CACNA1B: variants seen among roughly 807,000 people sequenced by gnomAD.
CACNA1B encodes calcium voltage-gated channel subunit alpha1 B, also known as voltage-dependent N-type calcium channel subunit alpha-1B.
Under a neutral mutation model 247.2 loss-of-function variants are expected in CACNA1B, and 70 were observed. The ratio of observed to expected loss-of-function variants is 0.28; its 90% confidence interval spans 0.23 to 0.35. The LOEUF (loss-of-function observed/expected upper bound fraction) is 0.35, where lower values mean the gene tolerates loss of function less well. CACNA1B is among the 10% of genes least tolerant of loss of function. The pLI, the probability that CACNA1B is intolerant of heterozygous loss-of-function variation, is 1.00. For synonymous variants in CACNA1B, 1,231 were observed against 1,294.4 expected (o/e 0.95, Z 1.05); for missense variants, 2,367 against 3,197.4 (o/e 0.74, Z 6.26).
chr9:137,943,599 G>A lies in CACNA1B; in HGVS notation c.967-8675G>A, dbSNP rs569952003. Among the ~76,000 whole-genome samples the A allele has an allele frequency of 8.5e-5, 13 of 152,068 alleles. No individual in the cohort carries two copies. In the East Asian group the frequency reaches 2.1e-3, roughly 25 times the overall value. ...CTTGGGGGACTGAACAAAGGATGAC[G>A]AATGCGGGAATAAAGATAAAGACAA... is the stretch of plus-strand genomic sequence containing the variant. On this transcript the variant is annotated intron_variant, in intron 6 of 46. Transcript: ENST00000371372.
intron 3 of CACNA1B, among the ~76,000 whole-genome samples, chr9:137,905,700 A>T (rs1286296199): frequency 6.6e-6 from 1 of 152,364 alleles, no homozygotes; most frequent in East Asian, 1.9e-4. Context: ...TGTAATGCTA[A>T]ATACAGCTTC....
chr9:137,885,351 G>T (rs2133228263), intron 3 of CACNA1B, among the ~76,000 whole-genome samples: 1 of 152,336 alleles, frequency 6.6e-6, no homozygotes, highest in East Asian at 1.9e-4. Context: ...GGCTGGGTCT[G>T]CTGTGCGGCG....
intron 12 of CACNA1B, among the ~76,000 whole-genome samples, chr9:137,982,105 A>G (rs1199249915): frequency 6.6e-6 from 1 of 152,238 alleles, no homozygotes; most frequent in South Asian, 2.1e-4. Flanking sequence ...GCTTGGTGGC[A>G]TAAGAAAAAT....
intron 36 of CACNA1B, among the ~76,000 whole-genome samples, chr9:138,093,403 C>CA (rs58608297): frequency 0.018 from 764 of 42,898 alleles, 14 homozygotes; most frequent in East Asian, 0.056. Flanking sequence ...GACTCTGTCT[C>CA]AAAAAAAAAA....
chr9:138,107,205 A>G (rs1263066110), intron 39 of CACNA1B, among the ~76,000 whole-genome samples: 1 of 150,530 alleles, frequency 6.6e-6, no homozygotes, highest in African/African-American at 2.4e-5. Flanking sequence ...CCGAAACCTT[A>G]GAAATCATCT....
At position 138,020,958 on chromosome 9, in the gene CACNA1B, G is replaced by A. The variant is rs975892417; in HGVS notation, c.2268-2053G>A. Among the ~76,000 whole-genome samples, 4 of 152,174 alleles carry A rather than the reference G, an allele frequency of 2.6e-5. No homozygotes were observed. On this transcript the variant is annotated intron_variant, in intron 18 of 46. Transcript: ENST00000371372. This position sits in a 1 kb window ranked among gnomAD's most constrained non-coding sequence, Gnocchi z 4.1. ...TGCAATGCTGGTCCCCAAGATTCAC[G>A]GCTTCATCAGAGCGGGCCACCCTGC...
Position 137,952,477 on chromosome 9 carries a change from G to A in CACNA1B, c.1070+100G>A, listed in dbSNP as rs1957889252. On this transcript the variant is annotated intron_variant, in intron 7 of 46. Coordinates refer to ENST00000371372, the MANE Select transcript of CACNA1B (RefSeq NM_000718.4). This position sits in a 1 kb window ranked among gnomAD's most constrained non-coding sequence, Gnocchi z 4.8. ...CACTTGGGGTGGGGGCCTGGCCCAT[G>A]GGTGCCCTCTGTGGTGGTTGCCCCT... The A allele has an allele frequency of 3.1e-6, 3 of 972,500 alleles. No individual in the cohort carries two copies. Among genetic ancestry groups the A allele is most frequent in the African/African-American group, 1.6e-5 (1 of 62,500 alleles). 60.2% of individuals were successfully genotyped at this position (972,500 alleles called of 1,614,324 possible).
intron 3 of CACNA1B, among the ~76,000 whole-genome samples, chr9:137,900,388 G>A (rs753887373): frequency 2.6e-5 from 4 of 152,134 alleles, no homozygotes; most frequent in Admixed American, 1.3e-4. Flanking sequence ...GAGTGAGGGC[G>A]GGTCTTTACA....
chr9:137,906,662 T>C (rs1185694998), intron 3 of CACNA1B, among the ~76,000 whole-genome samples: 1 of 152,204 alleles, frequency 6.6e-6, no homozygotes, highest in Non-Finnish European at 1.5e-5. Flanking sequence ...ACATACGTGT[T>C]CCCCTGCATG....
intron 3 of CACNA1B, among the ~76,000 whole-genome samples, chr9:137,900,854 T>TCC: frequency 1.3e-5 from 2 of 150,248 alleles, no homozygotes; most frequent in Non-Finnish European, 3.0e-5. Flanking sequence ...TGTCCCTGTG[T>TCC]CTGTGTCTGT....
At chr9:138,074,311 G>A (rs1960237061) in intron 34 of CACNA1B, among the ~76,000 whole-genome samples, 1 of 151,656 alleles carries the variant, frequency 6.6e-6, no homozygotes, top group African/African-American at 2.4e-5. Flanking sequence ...TGTGATCTTG[G>A]CTCACTGCAA....
intron 7 of CACNA1B, among the ~76,000 whole-genome samples, chr9:137,953,094 G>T (rs1957898053): frequency 6.6e-6 from 1 of 152,188 alleles, no homozygotes; most frequent in Admixed American, 6.5e-5. Flanking sequence ...AGGCGGGCAT[G>T]GCCAGGTGGG....
At chr9:137,964,903 TTC>T (rs1958057483) in intron 10 of CACNA1B, among the ~76,000 whole-genome samples, 7 of 152,236 alleles carry the variant, frequency 4.6e-5, no homozygotes, top group Admixed American at 4.6e-4. Context: ...TGTTGTTGTT[TTC>T]TGTTTGTTTG....
At chr9:137,958,573 T>C (rs1460653739) in intron 10 of CACNA1B, among the ~76,000 whole-genome samples, 1 of 152,230 alleles carries the variant, frequency 6.6e-6, no homozygotes, top group Non-Finnish European at 1.5e-5. Context: ...GATCGTCTGC[T>C]GATGGCCATT....
Position 138,069,739 on chromosome 9 carries a change from A to G in CACNA1B, c.4669-19A>G, listed in dbSNP as rs943221212. 1.9e-6 allele frequency: 3 copies of G among 1,602,412 alleles called. No homozygotes were observed. The highest frequency in any genetic ancestry group is 2.2e-5 in the South Asian group (2 of 90,664). ...GTAAATAATATGCAAATATCCATCCATGAAAACATCACATGTAGGAAACGG... is the reference window on the plus strand; with the variant it reads ...GTAAATAATATGCAAATATCCATCCGTGAAAACATCACATGTAGGAAACGG... On this transcript the variant is annotated intron_variant, in intron 31 of 46. Coordinates refer to ENST00000371372, the MANE Select transcript of CACNA1B (RefSeq NM_000718.4).
Position 137,917,213 on chromosome 9 carries a change from A to G in CACNA1B, c.776-28A>G. The G allele has an allele frequency of 6.3e-7, 1 of 1,593,646 alleles. No homozygotes were observed. The highest frequency in any genetic ancestry group is 8.6e-7 in the Non-Finnish European group (1 of 1,168,798). Reference sequence around the variant, plus strand: ...TGGAGAGCTTGGTATTTCTGAGCTCAGGGTCTGCTTCATTCTCCTTCTTGC... The same window carrying G: ...TGGAGAGCTTGGTATTTCTGAGCTCGGGGTCTGCTTCATTCTCCTTCTTGC... On this transcript the variant is annotated intron_variant, in intron 5 of 46. Transcript: ENST00000371372. The surrounding 1 kb of genome is among the most constrained non-coding windows in gnomAD (Gnocchi z 5.5).
Position 138,015,727 on chromosome 9 carries a change from G to T in CACNA1B, c.2267+2492G>T, listed in dbSNP as rs141450216. 1.6e-3 allele frequency among the ~76,000 whole-genome samples: 237 copies of T among 152,328 alleles called. 1 individual carries two copies. Among genetic ancestry groups the T allele is most frequent in the African/African-American group, 5.0e-3 (206 of 41,570 alleles). ...ACAGACGGTGCCAGAACATGCCTCAGAAGGGCACCCTAGCGTGTCGCATGC... is the reference window on the plus strand; with the variant it reads ...ACAGACGGTGCCAGAACATGCCTCATAAGGGCACCCTAGCGTGTCGCATGC... On this transcript the variant is annotated intron_variant, in intron 18 of 46. Coordinates refer to ENST00000371372, the MANE Select transcript of CACNA1B (RefSeq NM_000718.4).
chr9:138,050,174 C>A lies in CACNA1B; in HGVS notation c.3710+859C>A, dbSNP rs968183683. 7 of 980,516 alleles carry A rather than the reference C, an allele frequency of 7.1e-6. No individual in the cohort carries two copies. The African/African-American group carries it at 1.2e-4, about 16-fold the overall frequency. The allele number at this position is 980,516 out of a possible 1,614,324, so 60.7% of individuals were successfully genotyped here. A position where few individuals can be genotyped will look rare whatever the true frequency, so the allele number is the denominator to read the frequency against. ...GGTCATTTCATCTCCAGCCTCACCC[C>A]CCGCCCATCCACTTTCACCCCATCG... On this transcript the variant is annotated intron_variant, in intron 24 of 46. Coordinates refer to ENST00000371372, the MANE Select transcript of CACNA1B (RefSeq NM_000718.4). The surrounding 1 kb of genome is among the most constrained non-coding windows in gnomAD (Gnocchi z 5.2).
intron 6 of CACNA1B, among the ~76,000 whole-genome samples, chr9:137,945,465 G>C (rs969263357): frequency 2.0e-5 from 3 of 152,234 alleles, no homozygotes; most frequent in Admixed American, 6.5e-5. Flanking sequence ...ATGGGTGCCA[G>C]CACCACTTTG....
Sources: allele counts gnomAD v4.1 joint callset (sites outside exome capture counted in the v4.1 genomes callset), GRCh38; gene constraint gnomAD v4.1.1; non-coding constraint Gnocchi (gnomAD v3.1); transcripts MANE v1.5; gene names NCBI Gene and HGNC (gene_info 2026-07-23, HGNC 2026-07-21).